MCTP1: variants seen among roughly 807,000 people sequenced by gnomAD.
MCTP1 encodes the protein multiple C2 and transmembrane domain containing 1.
Under a neutral mutation model 120.6 loss-of-function variants are expected in MCTP1, and 69 were observed. That is an observed-to-expected ratio of 0.57 (90% confidence interval 0.47 to 0.70). The LOEUF is 0.70. Ranked by LOEUF, MCTP1 falls within the 30% of genes least tolerant of loss-of-function variation. MCTP1 has a pLI of 0.00. For synonymous variants in MCTP1, 529 were observed against 493.1 expected (o/e 1.07, Z -0.96); for missense variants, 1,203 against 1,248.8 (o/e 0.96, Z 0.55).
intron 11 of MCTP1, among the ~76,000 whole-genome samples, chr5:94,892,557 G>A (rs1250286263): frequency 6.6e-6 from 1 of 152,100 alleles, no homozygotes; most frequent in East Asian, 1.9e-4. Context: ...TCAGAATGTG[G>A]TGATCAAAAA....
chr5:95,100,683 C>T (rs956337335), intron 1 of MCTP1, among the ~76,000 whole-genome samples: 6 of 152,154 alleles, frequency 3.9e-5, no homozygotes, highest in Admixed American at 6.5e-5. Flanking sequence ...ACAGCTGACA[C>T]CCCTGAGAGG....
At chr5:94,921,535 T>A (rs1022347295) in intron 7 of MCTP1, among the ~76,000 whole-genome samples, 2 of 152,236 alleles carry the variant, frequency 1.3e-5, no homozygotes, top group Non-Finnish European at 2.9e-5. Flanking sequence ...AAAGATTTTA[T>A]CTACTTAGAC....
chr5:95,132,948 C>T (rs1759159904), intron 1 of MCTP1, among the ~76,000 whole-genome samples: 1 of 152,310 alleles, frequency 6.6e-6, no homozygotes, highest in African/African-American at 2.4e-5. Context: ...TTCCTCCATG[C>T]TGCACTCACA....
In MCTP1 at chr5:95,088,204, G is replaced by A. The variant is rs566127247; in HGVS notation, c.721-70720C>T. 5.3e-5 allele frequency among the ~76,000 whole-genome samples: 8 copies of A among 152,242 alleles called. No homozygotes were observed. In the East Asian group the frequency reaches 1.4e-3, roughly 26 times the overall value. ...GCTTTGGGCCAGACCACAGACAGTG[G>A]GAAAATCCCTAACACAAGGCCAACC... is the stretch of plus-strand genomic sequence containing the variant. On this transcript the variant is annotated intron_variant, in intron 1 of 22. Coordinates refer to ENST00000515393, the MANE Select transcript of MCTP1 (RefSeq NM_024717.7).
At chr5:95,166,721 C>T (rs1287127808) in intron 1 of MCTP1, among the ~76,000 whole-genome samples, 1 of 152,078 alleles carries the variant, frequency 6.6e-6, no homozygotes, top group African/African-American at 2.4e-5. Context: ...GCACCCACCA[C>T]CACGCCTGGC....
intron 1 of MCTP1, among the ~76,000 whole-genome samples, chr5:95,182,745 G>GA (rs1748741798): frequency 6.6e-6 from 1 of 152,042 alleles, no homozygotes; most frequent in African/African-American, 2.4e-5. Flanking sequence ...AAATGGGGGG[G>GA]ACTCATGTTA....
chr5:94,901,730 A>G (rs962647073), intron 10 of MCTP1, among the ~76,000 whole-genome samples: 9 of 152,044 alleles, frequency 5.9e-5, no homozygotes, highest in Non-Finnish European at 1.2e-4. Context: ...CAGTGTTCTG[A>G]TCACCGTTTT....
chr5:94,961,088 A>G (rs1171541043), intron 2 of MCTP1, among the ~76,000 whole-genome samples: 8 of 152,196 alleles, frequency 5.3e-5, no homozygotes, highest in Non-Finnish European at 1.2e-4. Flanking sequence ...AATACTATGC[A>G]GTCATAAAAA....
chr5:95,168,632 A>G (rs1746771817), intron 1 of MCTP1, among the ~76,000 whole-genome samples: 1 of 152,106 alleles, frequency 6.6e-6, no homozygotes, highest in South Asian at 2.1e-4. Flanking sequence ...TGTAAGGTGG[A>G]TTCCTAGGTA....
At chr5:94,854,244 AAAAT>A (rs1794314509) in intron 17 of MCTP1, among the ~76,000 whole-genome samples, 1 of 151,908 alleles carries the variant, frequency 6.6e-6, no homozygotes, top group East Asian at 1.9e-4. Context: ...CACAGTAAGA[AAAAT>A]TAAATGTTAA....
rs115446060 is a variant in MCTP1 at position 95,081,783 on chromosome 5, G to T, written c.721-64299C>A. On this transcript the variant is annotated intron_variant, in intron 1 of 22. Transcript: ENST00000515393. ...GATTACATAACAAACATCATATCTG[G>T]GGTTCTAAAATACTCACATTAAATA... is the stretch of plus-strand genomic sequence containing the variant. The T allele has an allele frequency of 4.5e-6, 5 of 1,108,102 alleles. No homozygotes were observed. In the African/African-American group the frequency reaches 6.5e-5, roughly 14 times the overall value. The allele number at this position is 1,108,102 out of a possible 1,614,324, so 68.6% of individuals were successfully genotyped here.
intron 1 of MCTP1, among the ~76,000 whole-genome samples, chr5:95,194,377 C>T (rs988956146): frequency 1.3e-5 from 2 of 152,036 alleles, no homozygotes; most frequent in African/African-American, 2.4e-5. Flanking sequence ...CACTCTACTG[C>T]GTGGAAAAAT....
intron 1 of MCTP1, among the ~76,000 whole-genome samples, chr5:95,126,885 C>A (rs529609885): frequency 1.3e-5 from 2 of 152,140 alleles, no homozygotes; most frequent in African/African-American, 2.4e-5. Flanking sequence ...AATATAAAAG[C>A]AAATCTATTT....
chr5:95,264,240 GTGATAGCC>G (rs1758703491), intron 1 of MCTP1, among the ~76,000 whole-genome samples: 2 of 152,146 alleles, frequency 1.3e-5, no homozygotes, highest in Non-Finnish European at 2.9e-5. Context: ...CTTCATCAAT[GTGATAGCC>G]TTTAGGTTAA....
intron 1 of MCTP1, among the ~76,000 whole-genome samples, chr5:95,044,829 C>T (rs571444014): frequency 1.3e-5 from 2 of 152,034 alleles, no homozygotes; most frequent in East Asian, 1.9e-4. Context: ...CCCCCTAGTC[C>T]GAGCCCCCGT....
rs1274559333 is a variant in MCTP1 at position 94,706,597 on chromosome 5, G to A, written c.*899C>T. 4 of 134,950 alleles carry A rather than the reference G, an allele frequency of 3.0e-5. No homozygotes were observed. The highest frequency in any genetic ancestry group is 1.5e-4 in the Admixed American group (2 of 13,240). 8.4% of individuals were successfully genotyped at this position (134,950 alleles called of 1,614,324 possible). A position where few individuals can be genotyped will look rare whatever the true frequency, so the allele number is the denominator to read the frequency against. On this transcript the variant is annotated 3_prime_UTR_variant, in exon 23 of 23. Coordinates refer to ENST00000515393, the MANE Select transcript of MCTP1 (RefSeq NM_024717.7). ...AAGCAGGTTTTTTTTTTCTCTGAGA[G>A]CACTTGAGTATTTATTAAAATATTT...
chr5:95,051,492 AT>A (rs1156728520), intron 1 of MCTP1, among the ~76,000 whole-genome samples: 2 of 152,172 alleles, frequency 1.3e-5, no homozygotes, highest in Non-Finnish European at 2.9e-5. Context: ...CTCTGCTGGC[AT>A]TCCTTCAATT....
At chr5:94,822,148 TTTGC>T (rs1046826076) in intron 17 of MCTP1, among the ~76,000 whole-genome samples, 13 of 152,152 alleles carry the variant, frequency 8.5e-5, no homozygotes, top group African/African-American at 3.1e-4. Flanking sequence ...TCCATAGCGG[TTTGC>T]TCCACCCATC....
chr5:95,192,972 T>C (rs1363138483), intron 1 of MCTP1, among the ~76,000 whole-genome samples: 1 of 152,150 alleles, frequency 6.6e-6, no homozygotes, highest in African/African-American at 2.4e-5. Flanking sequence ...TAAAATCTTA[T>C]CAAATGTAAA....
Sources: gnomAD v4.1 joint callset for allele counts (sites outside exome capture counted in the v4.1 genomes callset) on GRCh38, gnomAD v4.1.1 for gene constraint, MANE v1.5 for transcripts, NCBI Gene and HGNC (gene_info 2026-07-23, HGNC 2026-07-21) for gene names.